Variants in CHM observed in about 807,000 individuals in gnomAD.
CHM encodes the protein CHM Rab escort protein, also known as rab proteins geranylgeranyltransferase component A 1.
CHM carries 10 observed loss-of-function variants against 49.0 expected under a neutral mutation model. The observed-to-expected ratio is 0.20, with a 90% CI of 0.13 to 0.35. CHM has a LOEUF of 0.35. Among genes scored for constraint, CHM ranks in the 10% least tolerant of loss-of-function variants. The probability of loss-of-function intolerance (pLI) is 1.00; values close to 1 mark genes in which losing one functional copy is unlikely to be tolerated. For synonymous variants in CHM, 184 were observed against 167.5 expected, an observed-to-expected ratio of 1.10 and a Z score of -0.76; for missense variants, 455 against 478.4, an observed-to-expected ratio of 0.95 and a Z score of 0.46.
chrX:86,014,165 A>T (rs1054911381), intron 2 of CHM, among the ~76,000 whole-genome samples: 6 of 112,190 alleles, frequency 5.3e-5, no homozygotes, highest in Non-Finnish European at 1.1e-4. Context: ...TGGGAAAGAG[A>T]TGTTATGAGG....
intron 8 of CHM, among the ~76,000 whole-genome samples, chrX:85,922,057 C>G (rs1355946422): frequency 8.9e-6 from 1 of 111,885 alleles, no homozygotes; most frequent in Non-Finnish European, 1.9e-5. Context: ...ACTATAAATG[C>G]AGTTTTTACA....
At chrX:85,958,389 G>C (rs1930113740) in intron 6 of CHM, among the ~76,000 whole-genome samples, 1 of 111,499 alleles carries the variant, frequency 9.0e-6, no homozygotes, top group African/African-American at 3.3e-5. Context: ...CTACAGTTTT[G>C]GTGCTGTGAG....
At chrX:85,890,539 G>T (rs1479417861) in intron 12 of CHM, among the ~76,000 whole-genome samples, 4 of 111,534 alleles carry the variant, frequency 3.6e-5, no homozygotes, top group Non-Finnish European at 7.5e-5. Flanking sequence ...AGTCTCAAGA[G>T]ATCTGATGGG....
chrX:85,953,429 T>C (rs1480590689), intron 8 of CHM, among the ~76,000 whole-genome samples: 1 of 111,603 alleles, frequency 9.0e-6, no homozygotes, highest in Non-Finnish European at 1.9e-5. Flanking sequence ...AATCCTAAAA[T>C]GTATATAGAG....
At chrX:86,029,476 G>C (rs181097221) in intron 1 of CHM, among the ~76,000 whole-genome samples, 1 of 111,549 alleles carries the variant, frequency 9.0e-6, no homozygotes, top group East Asian at 2.8e-4. Flanking sequence ...TAATAACAAT[G>C]CCACCAAATA....
rs151141069 is a variant in CHM at position 85,880,759 on chromosome X, C to T, written c.1511-1696G>A. On this transcript the variant is annotated intron_variant, in intron 12 of 14. Coordinates refer to ENST00000357749, the MANE Select transcript of CHM (RefSeq NM_000390.4). Reference sequence around the variant, plus strand: ...TTAATGAGTTTTATAACAATTCTTACAAAGACATTCATAAGCTGAATTATA... The same window carrying T: ...TTAATGAGTTTTATAACAATTCTTATAAAGACATTCATAAGCTGAATTATA... Among the ~76,000 whole-genome samples, 131 of 111,410 alleles carry T rather than the reference C, an allele frequency of 1.2e-3. 4 individuals are homozygous for T. The highest frequency in any genetic ancestry group is 3.6e-4 in the Non-Finnish European group (19 of 52,994).
At chrX:85,980,268 A>G (rs5968765) in intron 3 of CHM, among the ~76,000 whole-genome samples, 19,272 of 110,968 alleles carry the variant, frequency 0.17, 1,571 homozygotes, top group Middle Eastern at 0.26. Flanking sequence ...AGGTGCAAAA[A>G]AGAGTTTCTG....
chrX:85,964,975 ACTAACAGTAGCC>A (rs1268972354), intron 4 of CHM, among the ~76,000 whole-genome samples: 1 of 112,489 alleles, frequency 8.9e-6, no homozygotes, highest in African/African-American at 3.2e-5. Context: ...CTGCTAGTTG[ACTAACAGTAGCC>A]CTAACAGTAG....
At chrX:85,981,139 G>A (rs776562221) in intron 3 of CHM, among the ~76,000 whole-genome samples, 29 of 104,925 alleles carry the variant, frequency 2.8e-4, no homozygotes, top group South Asian at 1.2e-3. Context: ...TTATATTTGG[G>A]CACATAAATA....
chrX:85,956,442 C>A, intron 7 of CHM, 64 bp from the exon 8 acceptor site: 1 of 1,152,265 alleles, frequency 8.7e-7, no homozygotes, highest in Non-Finnish European at 1.2e-6. Context: ...AACCACCCCA[C>A]AAAAAGGAGA....
intron 2 of CHM, among the ~76,000 whole-genome samples, chrX:86,020,660 AC>A (rs745984724): frequency 9.5e-5 from 10 of 105,816 alleles, no homozygotes; most frequent in Non-Finnish European, 1.5e-4. Context: ...TATATGAAAT[AC>A]ATATGATATA....
At chrX:86,004,706 G>C (rs912470221) in intron 2 of CHM, among the ~76,000 whole-genome samples, 3 of 111,926 alleles carry the variant, frequency 2.7e-5, no homozygotes, top group African/African-American at 9.7e-5. Context: ...TCAACAAGAA[G>C]AGCTAACTAT....
rs371413648 is a variant in CHM at position 85,946,311 on chromosome X, A to G, written c.1166+9842T>C. Among the ~76,000 whole-genome samples the G allele has an allele frequency of 3.9e-4, 44 of 112,719 alleles. No individual in the cohort carries two copies. The East Asian group carries it at 5.6e-3, about 14-fold the overall frequency. On this transcript the variant is annotated intron_variant, in intron 8 of 14. Transcript: ENST00000357749. ...AGTACTAACAGCCAAGACAATGGGA[A>G]AAAGGCTTAGAAGGCATTTCAGAGA...
intron 8 of CHM, among the ~76,000 whole-genome samples, chrX:85,948,960 T>C (rs1215624527): frequency 8.9e-6 from 1 of 112,033 alleles, no homozygotes; most frequent in Non-Finnish European, 1.9e-5. Context: ...CAGACTCTTG[T>C]ATATAAAATG....
chrX:85,974,032 A>G (rs1359527101), intron 4 of CHM, among the ~76,000 whole-genome samples: 3 of 112,583 alleles, frequency 2.7e-5, no homozygotes, highest in South Asian at 3.7e-4. Context: ...AGAACTGGGA[A>G]GTAAATTCAG....
In CHM at chrX:85,916,265, G is replaced by A. The variant is rs143400810; in HGVS notation, c.1167-4927C>T. 1.5e-4 allele frequency among the ~76,000 whole-genome samples: 17 copies of A among 111,713 alleles called. No individual in the cohort carries two copies. The Admixed American group carries it at 1.6e-3, about 11-fold the overall frequency. On this transcript the variant is annotated intron_variant, in intron 8 of 14. Transcript: ENST00000357749. Reference sequence around the variant, plus strand: ...TAGCCACATGCAGAAGATCAAAACTGGACCCCTTCCTTACACCATATATAT... The same window carrying A: ...TAGCCACATGCAGAAGATCAAAACTAGACCCCTTCCTTACACCATATATAT...
At chrX:85,995,704 C>G (rs1452915798) in intron 2 of CHM, among the ~76,000 whole-genome samples, 1 of 111,985 alleles carries the variant, frequency 8.9e-6, no homozygotes, top group African/African-American at 3.2e-5. Flanking sequence ...AATGTTAAAA[C>G]ACTTGTAAAA....
rs893119871 is a variant in CHM, at chrX:85,933,495, T to C, written c.1167-22157A>G. ...AAGTCTGGCTTCAAAGTCTGTGCTC[T>C]TGACCACCACACTATGCCTATATAC... On this transcript the variant is annotated intron_variant, in intron 8 of 14. Coordinates refer to ENST00000357749, the MANE Select transcript of CHM (RefSeq NM_000390.4). Among the ~76,000 whole-genome samples, 45 of 112,327 alleles carry C rather than the reference T, an allele frequency of 4.0e-4. 1 individual carries two copies. Among genetic ancestry groups the C allele is most frequent in the African/African-American group, 1.3e-3 (41 of 30,944 alleles).
chrX:85,922,761 A>G (rs1212579598), intron 8 of CHM, among the ~76,000 whole-genome samples: 2 of 111,913 alleles, frequency 1.8e-5, no homozygotes, highest in African/African-American at 3.3e-5. Flanking sequence ...CAGCCTCAGG[A>G]AACAGTTACG....
Sources: gnomAD v4.1 joint callset for allele counts (sites outside exome capture counted in the v4.1 genomes callset) on GRCh38, gnomAD v4.1.1 for gene constraint, MANE v1.5 for transcripts, NCBI Gene and HGNC (gene_info 2026-07-23, HGNC 2026-07-21) for gene names.